Variants in AP3B1 observed in about 807,000 individuals in gnomAD.
AP3B1 encodes AP-3 complex subunit beta-1.
A neutral mutation model predicts 132.5 loss-of-function variants in AP3B1; 61 were observed. The observed-to-expected ratio is 0.46, with a 90% CI of 0.37 to 0.57. The LOEUF is 0.57. AP3B1 is among the 20% of genes least tolerant of loss of function. AP3B1 has a pLI of 0.00. For synonymous variants in AP3B1, 388 were observed against 438.3 expected, an observed-to-expected ratio of 0.89 and a Z score of 1.43; for missense variants, 1,120 against 1,289.4, an observed-to-expected ratio of 0.87 and a Z score of 2.01.
chr5:78,040,285 C>T (rs1376350507), intron 22 of AP3B1, among the ~76,000 whole-genome samples: 1 of 152,164 alleles, frequency 6.6e-6, no homozygotes, highest in African/African-American at 2.4e-5. Flanking sequence ...ATTGTCCCTA[C>T]ATGAGCTAAT....
intron 11 of AP3B1, among the ~76,000 whole-genome samples, chr5:78,166,167 AC>A (rs1743621389): frequency 7.0e-5 from 7 of 100,158 alleles, no homozygotes; most frequent in Admixed American, 1.0e-4. Context: ...ACACACACAC[AC>A]ACACAAATCA....
chr5:78,144,206 T>G (rs1237901733), intron 14 of AP3B1, among the ~76,000 whole-genome samples: 3 of 152,108 alleles, frequency 2.0e-5, no homozygotes, highest in Non-Finnish European at 4.4e-5. Context: ...CAAAGACAAA[T>G]TGGATTGTAA....
At chr5:78,278,625 A>AAAAAG (rs1561217252) in intron 1 of AP3B1, among the ~76,000 whole-genome samples, 1 of 52,248 alleles carries the variant, frequency 1.9e-5, no homozygotes, top group African/African-American at 6.1e-5. Context: ...AAAAAAAAAA[A>AAAAAG]GGGGGGGGGG....
At chr5:78,018,380 T>C (rs1014466926) in intron 25 of AP3B1, among the ~76,000 whole-genome samples, 1 of 151,988 alleles carries the variant, frequency 6.6e-6, no homozygotes, top group Admixed American at 6.6e-5. Flanking sequence ...GAAAAAGTGA[T>C]AGATCATGTT....
At chr5:78,071,412 G>A (rs542936577) in intron 22 of AP3B1, among the ~76,000 whole-genome samples, 55 of 152,278 alleles carry the variant, frequency 3.6e-4, no homozygotes, top group African/African-American at 1.3e-3. Flanking sequence ...CTGTCAGGGG[G>A]CACGGGAGGA....
At chr5:78,197,443 G>A (rs1207426522) in intron 7 of AP3B1, among the ~76,000 whole-genome samples, 1 of 152,030 alleles carries the variant, frequency 6.6e-6, no homozygotes, top group Non-Finnish European at 1.5e-5. Flanking sequence ...TACTCTTAAG[G>A]TACTATTCCA....
chr5:78,083,226 G>C (rs534973474), intron 22 of AP3B1, among the ~76,000 whole-genome samples: 2 of 152,214 alleles, frequency 1.3e-5, no homozygotes, highest in Admixed American at 1.3e-4. Flanking sequence ...AGTTTGATAA[G>C]AAACAAAAAA....
chr5:78,161,907 C>T (rs1373588362), intron 13 of AP3B1, among the ~76,000 whole-genome samples: 1 of 151,878 alleles, frequency 6.6e-6, no homozygotes, highest in Non-Finnish European at 1.5e-5. Context: ...TTATAGGATT[C>T]TTGTACTAAA....
At chr5:78,075,813 A>G (rs925100044) in intron 22 of AP3B1, among the ~76,000 whole-genome samples, 2 of 152,198 alleles carry the variant, frequency 1.3e-5, no homozygotes, top group African/African-American at 4.8e-5. Context: ...TTTGCTGGTC[A>G]TAGGAAATTC....
At chr5:78,294,350 C>T in intron 1 of AP3B1, 102 bp downstream of exon 1, 2 of 1,575,556 alleles carry the variant, frequency 1.3e-6, no homozygotes, top group Non-Finnish European at 1.7e-6. Context: ...GCTCAGACCT[C>T]AGGGCGACCC....
chr5:78,048,664 G>A (rs151047238), intron 22 of AP3B1, among the ~76,000 whole-genome samples: 386 of 152,304 alleles, frequency 2.5e-3, no homozygotes, highest in African/African-American at 9.0e-3. Flanking sequence ...TCAAAGAAAA[G>A]CATAGATGAG....
At chr5:78,231,420 C>T (rs566618576) in intron 3 of AP3B1, among the ~76,000 whole-genome samples, 16 of 152,126 alleles carry the variant, frequency 1.1e-4, no homozygotes, top group African/African-American at 2.4e-4. Flanking sequence ...GTGATCTGCC[C>T]GCCTCGGCCT....
At chr5:78,119,954 C>G (rs1007352140) in intron 17 of AP3B1, among the ~76,000 whole-genome samples, 2 of 152,192 alleles carry the variant, frequency 1.3e-5, no homozygotes, top group African/African-American at 4.8e-5. Flanking sequence ...GGTCGGGTTA[C>G]CTACAAAGGG....
At chr5:78,165,280 G>A (rs550613826) in intron 12 of AP3B1, among the ~76,000 whole-genome samples, 4 of 152,054 alleles carry the variant, frequency 2.6e-5, no homozygotes, top group African/African-American at 7.2e-5. Flanking sequence ...AAATGAAACC[G>A]TTTTCATGAC....
intron 17 of AP3B1, among the ~76,000 whole-genome samples, chr5:78,117,294 T>A (rs959717025): frequency 2.0e-5 from 3 of 149,886 alleles, no homozygotes; most frequent in African/African-American, 7.4e-5. Context: ...GAGCAGGGAA[T>A]TTAAAATATT....
intron 24 of AP3B1, among the ~76,000 whole-genome samples, chr5:78,029,095 T>C (rs1163587568): frequency 6.6e-6 from 1 of 152,232 alleles, no homozygotes; most frequent in Non-Finnish European, 1.5e-5. Context: ...TAGATCAAGC[T>C]TGTTAATTAA....
At chr5:78,269,615 A>G (rs893161764) in intron 1 of AP3B1, among the ~76,000 whole-genome samples, 3 of 152,172 alleles carry the variant, frequency 2.0e-5, no homozygotes, top group Non-Finnish European at 4.4e-5. Flanking sequence ...TACTCCTTCT[A>G]AAGACAACAT....
chr5:78,076,809 T>C (rs540971143), intron 22 of AP3B1, among the ~76,000 whole-genome samples: 1 of 152,320 alleles, frequency 6.6e-6, no homozygotes, highest in African/African-American at 2.4e-5. Flanking sequence ...CAATAGTCCA[T>C]GCATATTGCC....
At chr5:78,024,302 A>T (rs1747234520) in intron 24 of AP3B1, among the ~76,000 whole-genome samples, 1 of 152,212 alleles carries the variant, frequency 6.6e-6, no homozygotes, top group South Asian at 2.1e-4. Flanking sequence ...CTGTATACAA[A>T]GTTCTCCAAA....
Sources: allele counts gnomAD v4.1 joint callset (sites outside exome capture counted in the v4.1 genomes callset), GRCh38; gene constraint gnomAD v4.1.1; transcripts MANE v1.5; gene names NCBI Gene and HGNC (gene_info 2026-07-23, HGNC 2026-07-21).